The following RBM45 variants were observed in gnomAD, a reference collection of about 807,000 sequenced individuals.
RBM45 encodes RNA-binding protein 45.
RBM45 carries 39 observed loss-of-function variants against 58.5 expected under a neutral mutation model. The ratio of observed to expected loss-of-function variants is 0.67; its 90% CI spans 0.52 to 0.87. RBM45 has a LOEUF of 0.87. RBM45 is among the 40% of genes least tolerant of loss of function. The pLI is 0.00. For missense variants in RBM45, 481 were observed against 581.6 expected (o/e 0.83, Z 1.78); for synonymous variants, 193 against 203.0 (o/e 0.95, Z 0.42).
At chr2:178,121,862 C>A (rs1424165954) in intron 5 of RBM45, among the ~76,000 whole-genome samples, 1 of 152,160 alleles carries the variant, frequency 6.6e-6, no homozygotes, top group African/African-American at 2.4e-5. Flanking sequence ...TCAATGGAAG[C>A]AAGTCTCCAA....
chr2:178,116,012 T>C (rs916799522), intron 1 of RBM45, among the ~76,000 whole-genome samples: 7 of 151,806 alleles, frequency 4.6e-5, no homozygotes, highest in Non-Finnish European at 7.4e-5. Flanking sequence ...ATTAGCTGGG[T>C]GTGGTGGTGT....
chr2:178,121,657 GTTGCA>G (rs1323906331), intron 5 of RBM45, among the ~76,000 whole-genome samples: 1 of 151,966 alleles, frequency 6.6e-6, no homozygotes, highest in Non-Finnish European at 1.5e-5. Context: ...CTGTATTCCA[GTTGCA>G]TAACAAAAAA....
downstream of RBM45, among the ~76,000 whole-genome samples, chr2:178,133,024 C>A (rs2088017443): frequency 6.6e-6 from 1 of 152,184 alleles, no homozygotes. Flanking sequence ...CAGTGGCATT[C>A]ACTTTGGAAT....
chr2:178,124,570 T>C (rs1310259396), intron 8 of RBM45, among the ~76,000 whole-genome samples: 1 of 152,128 alleles, frequency 6.6e-6, no homozygotes, highest in African/African-American at 2.4e-5. Context: ...TCCCAACACT[T>C]TGGGAGGCCG....
intron 1 of RBM45, among the ~76,000 whole-genome samples, chr2:178,114,363 C>A (rs189053072): frequency 7.6e-4 from 115 of 152,272 alleles, no homozygotes; most frequent in African/African-American, 2.5e-3. Context: ...GCCCAAAAAA[C>A]TGTCCCATAT....
chr2:178,115,509 C>T (rs2087759567), intron 1 of RBM45, among the ~76,000 whole-genome samples: 1 of 152,070 alleles, frequency 6.6e-6, no homozygotes. Flanking sequence ...TCATATGGTG[C>T]TTGACATATA....
intron 3 of RBM45, 150 bp from the exon 4 acceptor site, chr2:178,120,137 G>A (rs2087829175): frequency 1.1e-6 from 1 of 916,884 alleles, no homozygotes; most frequent in Non-Finnish European, 1.7e-6. Context: ...CTTCCAGAAA[G>A]CAAAGAAGTA....
At chr2:178,122,843 T>C (rs904121463) in intron 5 of RBM45, among the ~76,000 whole-genome samples, 2 of 152,192 alleles carry the variant, frequency 1.3e-5, no homozygotes, top group Admixed American at 6.5e-5. Context: ...AAATTATAAG[T>C]GTTTCCCCAG....
chr2:178,117,749 A>G (rs1000282348), intron 2 of RBM45, among the ~76,000 whole-genome samples: 10 of 152,192 alleles, frequency 6.6e-5, no homozygotes, highest in Admixed American at 2.6e-4. Flanking sequence ...CAGGATTTCA[A>G]TCTAGAAAGT....
Position 178,120,272 on chromosome 2 carries a change from A to C in RBM45, c.551-15A>C. ...AAATTTGCTGTGAAACTTGAAATTCATGGGGTTTTTTCAGGTTTTAGAGCA... is the reference window on the plus strand; with the variant it reads ...AAATTTGCTGTGAAACTTGAAATTCCTGGGGTTTTTTCAGGTTTTAGAGCA... On this transcript the variant is annotated splice_polypyrimidine_tract_variant and intron_variant, in intron 3 of 9. Transcript: ENST00000286070. 6.2e-7 allele frequency: 1 copy of C among 1,611,822 alleles called. No individual in the cohort carries two copies. Among genetic ancestry groups the C allele is most frequent in the African/African-American group, 1.3e-5 (1 of 74,934 alleles).
At chr2:178,136,035 G>T (rs1283744325) in intron 3 of RBM45, among the ~76,000 whole-genome samples, 1 of 152,228 alleles carries the variant, frequency 6.6e-6, no homozygotes, top group Non-Finnish European at 1.5e-5. Context: ...TGACAGCCCA[G>T]TGTGATGGCT....
chr2:178,132,947 T>C (rs188620750), downstream of RBM45, among the ~76,000 whole-genome samples: 113 of 152,322 alleles, frequency 7.4e-4, no homozygotes, highest in African/African-American at 2.6e-3. Flanking sequence ...TTGTTTAAAA[T>C]GTAGGTATAC....
At chr2:178,117,791 T>A (rs1312591228) in intron 2 of RBM45, among the ~76,000 whole-genome samples, 1 of 152,200 alleles carries the variant, frequency 6.6e-6, no homozygotes, top group Non-Finnish European at 1.5e-5. Flanking sequence ...TTAACCACTG[T>A]TGAGCAAGAC....
intron 8 of RBM45, among the ~76,000 whole-genome samples, chr2:178,125,220 G>A (rs926047266): frequency 2.0e-5 from 3 of 152,148 alleles, no homozygotes; most frequent in Non-Finnish European, 4.4e-5. Flanking sequence ...TTCAAGGCAG[G>A]AACTGTGCTA....
chr2:178,121,986 A>G (rs969837383), intron 5 of RBM45, among the ~76,000 whole-genome samples: 3 of 152,138 alleles, frequency 2.0e-5, no homozygotes, highest in African/African-American at 4.8e-5. Flanking sequence ...TTGTTAATGG[A>G]GGCATTGTGG....
downstream of RBM45, among the ~76,000 whole-genome samples, chr2:178,134,054 C>T (rs185726640): frequency 1.1e-3 from 165 of 152,206 alleles, no homozygotes; most frequent in Non-Finnish European, 1.7e-3. Context: ...GAGAAAGTTA[C>T]GAGGCCCTGT....
At chr2:178,130,367 A>G (rs1056620881), downstream of RBM45, among the ~76,000 whole-genome samples, 1 of 152,098 alleles carries the variant, frequency 6.6e-6, no homozygotes, top group Non-Finnish European at 1.5e-5. Flanking sequence ...TCCACAAAAC[A>G]TTATGAAATT....
exon 4 of RBM45, chr2:178,136,528 C>T (rs1002245234): frequency 6.6e-6 from 1 of 152,118 alleles, no homozygotes; most frequent in Admixed American, 6.6e-5. Flanking sequence ...GCATTCAGCT[C>T]AGTAGGGGAG....
intron 9 of RBM45, among the ~76,000 whole-genome samples, chr2:178,128,978 C>T (rs2087972064): frequency 2.0e-5 from 3 of 152,136 alleles, no homozygotes; most frequent in Admixed American, 1.3e-4. Flanking sequence ...GCTGCAAACA[C>T]AGCTCATGAA....
Sources: allele counts gnomAD v4.1 joint callset (sites outside exome capture counted in the v4.1 genomes callset), GRCh38; gene constraint gnomAD v4.1.1; transcripts MANE v1.5; gene names NCBI Gene and HGNC (gene_info 2026-07-23, HGNC 2026-07-21).